Variants in ANKS1B observed in about 807,000 individuals in gnomAD.
The protein encoded by ANKS1B is ankyrin repeat and sterile alpha motif domain-containing protein 1B.
A neutral mutation model predicts 148.3 loss-of-function variants in ANKS1B; 36 were observed. The observed-to-expected ratio is 0.24, with a 90% CI of 0.19 to 0.32. The LOEUF is 0.32. Ranked by LOEUF, ANKS1B falls within the 10% of genes least tolerant of loss-of-function variation. The pLI is 1.00. For missense variants in ANKS1B, 1,157 were observed against 1,542.6 expected (o/e 0.75, Z 4.19); for synonymous variants, 542 against 560.8 (o/e 0.97, Z 0.47).
intron 9 of ANKS1B, among the ~76,000 whole-genome samples, chr12:99,619,912 C>T (rs1483800808): frequency 6.6e-6 from 1 of 152,172 alleles, no homozygotes; most frequent in East Asian, 1.9e-4. Context: ...TCTATCTTAC[C>T]CCTCTAGAGC....
intron 1 of ANKS1B, among the ~76,000 whole-genome samples, chr12:99,909,250 G>C (rs1023284067): frequency 2.0e-5 from 3 of 151,274 alleles, no homozygotes; most frequent in Non-Finnish European, 4.4e-5. Flanking sequence ...GTGTGTGTGT[G>C]TGTGTGTGTG....
chr12:99,237,864 G>C (rs1254420500), intron 14 of ANKS1B, among the ~76,000 whole-genome samples: 1 of 152,164 alleles, frequency 6.6e-6, no homozygotes, highest in Non-Finnish European at 1.5e-5. Context: ...CAATCCTTTG[G>C]CCTCAGCCTC....
chr12:99,723,097 A>G (rs1391585751), intron 8 of ANKS1B, among the ~76,000 whole-genome samples: 1 of 152,174 alleles, frequency 6.6e-6, no homozygotes, highest in Non-Finnish European at 1.5e-5. Context: ...GATTCTCAAA[A>G]GCCTCTCAGC....
At chr12:99,263,932 T>A (rs1039344670) in intron 12 of ANKS1B, among the ~76,000 whole-genome samples, 1 of 152,092 alleles carries the variant, frequency 6.6e-6, no homozygotes, top group Non-Finnish European at 1.5e-5. Context: ...CAATTACATA[T>A]CTGAAAATGA....
chr12:98,894,946 C>T, intron 17 of ANKS1B: 1 of 876,098 alleles, frequency 1.1e-6, no homozygotes, highest in Non-Finnish European at 1.4e-6. Context: ...GCCGCGCGCC[C>T]TCGCACCCGC....
intron 15 of ANKS1B, among the ~76,000 whole-genome samples, chr12:99,089,404 C>A (rs11829920): frequency 0.077 from 11,721 of 152,118 alleles, 1,088 homozygotes; most frequent in African/African-American, 0.22. Flanking sequence ...CCCTCAATTG[C>A]CAAATATAGT....
chr12:98,979,732 T>C (rs1214549535), intron 17 of ANKS1B, among the ~76,000 whole-genome samples: 1 of 152,064 alleles, frequency 6.6e-6, no homozygotes, highest in Non-Finnish European at 1.5e-5. Context: ...AAGCTGCATA[T>C]GTGTGTATGT....
At chr12:99,523,979 T>A (rs761888473) in intron 9 of ANKS1B, among the ~76,000 whole-genome samples, 5 of 152,236 alleles carry the variant, frequency 3.3e-5, no homozygotes, top group Non-Finnish European at 5.9e-5. Flanking sequence ...CCTGAATATA[T>A]TCACTGCTTC....
intron 9 of ANKS1B, among the ~76,000 whole-genome samples, chr12:99,569,753 C>A (rs548353283): frequency 1.3e-5 from 2 of 152,150 alleles, no homozygotes; most frequent in Non-Finnish European, 2.9e-5. Flanking sequence ...ATCAAAGAGC[C>A]CATCATCCCA....
intron 17 of ANKS1B, among the ~76,000 whole-genome samples, chr12:98,979,226 T>G (rs1206634861): frequency 6.6e-6 from 1 of 152,024 alleles, no homozygotes; most frequent in Non-Finnish European, 1.5e-5. Context: ...CATTTCTTTG[T>G]GTAGACCTGA....
At chr12:99,187,285 C>T (rs1601521139) in intron 14 of ANKS1B, among the ~76,000 whole-genome samples, 2 of 152,024 alleles carry the variant, frequency 1.3e-5, no homozygotes, top group African/African-American at 4.8e-5. Context: ...TCCAGGAGAA[C>T]TTCCCCAACC....
At chr12:99,339,410 G>A (rs1603136656) in intron 12 of ANKS1B, among the ~76,000 whole-genome samples, 1 of 152,178 alleles carries the variant, frequency 6.6e-6, no homozygotes, top group Non-Finnish European at 1.5e-5. Context: ...ATGGGGCAGG[G>A]TTGGTGTAGG....
At chr12:99,254,504 C>A (rs763923452) in intron 12 of ANKS1B, among the ~76,000 whole-genome samples, 2 of 152,130 alleles carry the variant, frequency 1.3e-5, no homozygotes, top group Non-Finnish European at 2.9e-5. Context: ...TACTTCTTGA[C>A]AGAAGAAAGT....
chr12:98,974,578 A>T (rs1053824169), intron 17 of ANKS1B, among the ~76,000 whole-genome samples: 3 of 152,194 alleles, frequency 2.0e-5, no homozygotes, highest in Admixed American at 2.0e-4. Flanking sequence ...TAAACTTTTT[A>T]AAAAGAGAAT....
chr12:99,055,568 A>T (rs1249364573), intron 16 of ANKS1B, among the ~76,000 whole-genome samples: 2 of 139,512 alleles, frequency 1.4e-5, no homozygotes, highest in Non-Finnish European at 3.2e-5. Flanking sequence ...GGTGGTGGCC[A>T]AAGAATCAGG....
At chr12:99,932,853 C>A (rs560132564) in intron 1 of ANKS1B, among the ~76,000 whole-genome samples, 2 of 152,228 alleles carry the variant, frequency 1.3e-5, no homozygotes, top group South Asian at 4.1e-4. Flanking sequence ...AGTCCAATGT[C>A]CTGAAGAGTT....
chr12:99,466,317 A>G (rs1321228599), intron 10 of ANKS1B, among the ~76,000 whole-genome samples: 1 of 152,220 alleles, frequency 6.6e-6, no homozygotes, highest in Non-Finnish European at 1.5e-5. Flanking sequence ...ATAGCACTAA[A>G]TGCTCACGAG....
At chr12:99,929,138 C>A (rs956880920) in intron 1 of ANKS1B, among the ~76,000 whole-genome samples, 1 of 152,162 alleles carries the variant, frequency 6.6e-6, no homozygotes, top group African/African-American at 2.4e-5. Flanking sequence ...GCTCACAGAA[C>A]TAATTTTCAT....
intron 8 of ANKS1B, among the ~76,000 whole-genome samples, chr12:99,722,908 C>T (rs893527898): frequency 6.6e-6 from 1 of 152,132 alleles, no homozygotes; most frequent in African/African-American, 2.4e-5. Flanking sequence ...GGGGGCCCAC[C>T]TGAGAGCCAC....
Sources: gnomAD v4.1 joint callset for allele counts (sites outside exome capture counted in the v4.1 genomes callset) on GRCh38, gnomAD v4.1.1 for gene constraint, MANE v1.5 for transcripts, NCBI Gene and HGNC (gene_info 2026-07-23, HGNC 2026-07-21) for gene names.